The following ASPRV1 variants were observed in gnomAD, a reference collection of about 807,000 sequenced individuals.
ASPRV1 encodes retroviral-like aspartic protease 1.
ASPRV1 carries 7 observed loss-of-function variants against 11.0 expected under a neutral mutation model. The ratio of observed to expected loss-of-function variants is 0.64; its 90% CI spans 0.36 to 1.20. The LOEUF is 1.20. Among genes scored for constraint, ASPRV1 ranks in the 50% most tolerant of loss-of-function variants. The probability of loss-of-function intolerance (pLI) is 0.02; values close to 1 mark genes in which losing one functional copy is unlikely to be tolerated. For missense variants in ASPRV1, 299 were observed against 320.0 expected, an observed-to-expected ratio of 0.93 and a Z score of 0.50; for synonymous variants, 136 against 138.4, an observed-to-expected ratio of 0.98 and a Z score of 0.12.
chr2:70,046,316 T>C, the ASPRV1 span: 1 of 152,238 alleles, frequency 6.6e-6, no homozygotes, highest in African/African-American at 2.4e-5. Context: ...ACCTTACTTC[T>C]AGCATCACGC....
At chr2:70,007,424 G>A in the ASPRV1 span, among the ~76,000 whole-genome samples, 1 of 152,132 alleles carries the variant, frequency 6.6e-6, no homozygotes, top group African/African-American at 2.4e-5. Flanking sequence ...GGGAGGCTGA[G>A]GCAGAATTGC....
chr2:69,985,620 T>A, the ASPRV1 span, among the ~76,000 whole-genome samples: 2 of 152,328 alleles, frequency 1.3e-5, no homozygotes, highest in East Asian at 1.9e-4. Flanking sequence ...GATATAGAAC[T>A]AGTAAGAAAG....
chr2:69,942,001 A>G, the ASPRV1 span: 2 of 151,850 alleles, frequency 1.3e-5, no homozygotes, highest in African/African-American at 2.4e-5. Context: ...CTATTTTTTC[A>G]TGAACCACAC....
At chr2:70,079,588 A>G in the ASPRV1 span, among the ~76,000 whole-genome samples, 2 of 152,298 alleles carry the variant, frequency 1.3e-5, no homozygotes, top group East Asian at 3.9e-4. Flanking sequence ...GAATAAGAAA[A>G]AAAAAGTTGA....
At chr2:70,078,351 C>CTA in the ASPRV1 span, among the ~76,000 whole-genome samples, 1 of 152,072 alleles carries the variant, frequency 6.6e-6, no homozygotes, top group East Asian at 1.9e-4. Flanking sequence ...AGACAGCACT[C>CTA]AATAAATACT....
At chr2:69,936,596 C>A in the ASPRV1 span, among the ~76,000 whole-genome samples, 23 of 152,268 alleles carry the variant, frequency 1.5e-4, no homozygotes, top group Non-Finnish European at 1.3e-4. Flanking sequence ...AGCAAAACAG[C>A]TACAATTAAA....
At chr2:70,085,049 G>A in the ASPRV1 span, among the ~76,000 whole-genome samples, 1 of 152,206 alleles carries the variant, frequency 6.6e-6, no homozygotes, top group Non-Finnish European at 1.5e-5. Flanking sequence ...GCATTGAACT[G>A]AAGAGTCCAC....
the ASPRV1 span, chr2:70,077,260 A>G: frequency 6.6e-6 from 1 of 152,054 alleles, no homozygotes; most frequent in East Asian, 1.9e-4. Flanking sequence ...ACTACCTCCT[A>G]AGTTCCAATT....
downstream of ASPRV1, among the ~76,000 whole-genome samples, chr2:69,957,966 T>C (rs979850041): frequency 6.6e-6 from 1 of 152,196 alleles, no homozygotes; most frequent in African/African-American, 2.4e-5. Context: ...CTCCATCCTA[T>C]ACCCAGAAGG....
At chr2:69,936,782 A>G in the ASPRV1 span, among the ~76,000 whole-genome samples, 1 of 152,204 alleles carries the variant, frequency 6.6e-6, no homozygotes, top group African/African-American at 2.4e-5. Flanking sequence ...GGCATGACAC[A>G]AAAAAGTGCT....
chr2:70,061,949 GC>G, the ASPRV1 span, among the ~76,000 whole-genome samples: 4 of 148,244 alleles, frequency 2.7e-5, no homozygotes, highest in East Asian at 6.0e-4. Context: ...GGTGACAAGA[GC>G]AAAACTCTGT....
chr2:70,076,744 A>G, the ASPRV1 span, among the ~76,000 whole-genome samples: 1 of 152,194 alleles, frequency 6.6e-6, no homozygotes, highest in African/African-American at 2.4e-5. Context: ...TGAATATCTC[A>G]TGTAATTTAT....
chr2:69,973,409 GC>G, the ASPRV1 span, among the ~76,000 whole-genome samples: 1 of 152,158 alleles, frequency 6.6e-6, no homozygotes, highest in South Asian at 2.1e-4. Context: ...AGAATGGGTT[GC>G]CCAGAACTTG....
the ASPRV1 span, among the ~76,000 whole-genome samples, chr2:70,047,971 T>C: frequency 6.6e-6 from 1 of 150,962 alleles, no homozygotes; most frequent in Admixed American, 6.6e-5. Flanking sequence ...TAGCTGGGCG[T>C]GGTGGCGTGT....
chr2:69,991,155 G>C, the ASPRV1 span, among the ~76,000 whole-genome samples: 6 of 152,126 alleles, frequency 3.9e-5, no homozygotes, highest in Admixed American at 3.9e-4. Context: ...TTGGTGACCT[G>C]CCTGGGGAAT....
At chr2:69,933,277 T>G in the ASPRV1 span, among the ~76,000 whole-genome samples, 10 of 150,526 alleles carry the variant, frequency 6.6e-5, no homozygotes, top group Admixed American at 6.6e-4. Flanking sequence ...GACAAATTTA[T>G]AAATGTATAA....
chr2:69,947,837 CCCT>C, the ASPRV1 span, among the ~76,000 whole-genome samples: 104 of 152,184 alleles, frequency 6.8e-4, no homozygotes, highest in African/African-American at 2.4e-3. Flanking sequence ...TGGAAATAAT[CCCT>C]CCTGTCTAGA....
At chr2:70,020,673 T>C in the ASPRV1 span, among the ~76,000 whole-genome samples, 1 of 152,008 alleles carries the variant, frequency 6.6e-6, no homozygotes, top group African/African-American at 2.4e-5. Flanking sequence ...ACCTGGGAGA[T>C]GGAGGTTGCA....
At chr2:69,947,599 G>A in the ASPRV1 span, among the ~76,000 whole-genome samples, 9 of 152,170 alleles carry the variant, frequency 5.9e-5, no homozygotes, top group East Asian at 3.9e-4. Context: ...AGTTACTTCC[G>A]ATCCACCTTT....
Sources: allele counts gnomAD v4.1 joint callset (sites outside exome capture counted in the v4.1 genomes callset), GRCh38; gene constraint gnomAD v4.1.1; transcripts MANE v1.5; gene names NCBI Gene and HGNC (gene_info 2026-07-23, HGNC 2026-07-21).